CDK8: variants seen among roughly 807,000 people sequenced by gnomAD.
CDK8 encodes cyclin dependent kinase 8.
In CDK8, 29 loss-of-function variants were observed where a neutral mutation model predicts 71.5. That is an observed-to-expected ratio of 0.41 (90% CI 0.30 to 0.55). The LOEUF is 0.55. CDK8 is among the 20% of genes least tolerant of loss of function. The pLI is 0.37. For missense variants in CDK8, 288 were observed against 572.6 expected, an observed-to-expected ratio of 0.50 and a Z score of 5.07; for synonymous variants, 161 against 192.1, an observed-to-expected ratio of 0.84 and a Z score of 1.34.
At chr13:26,285,906 T>C (rs889143840) in intron 1 of CDK8, among the ~76,000 whole-genome samples, 6 of 141,184 alleles carry the variant, frequency 4.2e-5, no homozygotes, top group East Asian at 1.9e-4. Flanking sequence ...AATAAATAAA[T>C]AAACAAACAA....
intron 1 of CDK8, among the ~76,000 whole-genome samples, chr13:26,305,077 C>T (rs1488108831): frequency 6.6e-6 from 1 of 152,140 alleles, no homozygotes; most frequent in African/African-American, 2.4e-5. Context: ...TTATTTCTTC[C>T]TGCATTATCA....
At chr13:26,377,383 T>A (rs1875004474) in intron 4 of CDK8, among the ~76,000 whole-genome samples, 1 of 152,250 alleles carries the variant, frequency 6.6e-6, no homozygotes, top group African/African-American at 2.4e-5. Context: ...TTTGTTTGTG[T>A]CTCTGTTGAT....
At chr13:26,319,055 A>G (rs572346838) in intron 1 of CDK8, among the ~76,000 whole-genome samples, 3 of 152,332 alleles carry the variant, frequency 2.0e-5, no homozygotes, top group Middle Eastern at 3.4e-3. Context: ...CAAGTAATAA[A>G]TGAATTGAGC....
At chr13:26,331,304 T>C (rs1365078222) in intron 1 of CDK8, among the ~76,000 whole-genome samples, 1 of 152,228 alleles carries the variant, frequency 6.6e-6, no homozygotes, top group Non-Finnish European at 1.5e-5. Context: ...TTTGGTTTTC[T>C]CCTGTTGGGC....
intron 1 of CDK8, among the ~76,000 whole-genome samples, chr13:26,287,984 A>G (rs1873101687): frequency 2.0e-5 from 3 of 151,886 alleles, no homozygotes; most frequent in Non-Finnish European, 4.4e-5. Flanking sequence ...ATTTTTTTAG[A>G]TGGAGTCTCA....
chr13:26,359,867 C>A (rs1874057638), intron 4 of CDK8: 1 of 219,612 alleles, frequency 4.6e-6, no homozygotes, highest in Admixed American at 5.8e-5. Flanking sequence ...AGGCGTGTAC[C>A]ACCACATCCG....
intron 5 of CDK8, among the ~76,000 whole-genome samples, chr13:26,384,693 T>TA (rs112683099): frequency 6.6e-6 from 1 of 152,024 alleles, no homozygotes; most frequent in African/African-American, 2.4e-5. Flanking sequence ...ACCTAGCTTT[T>TA]AAAAAAAATA....
At chr13:26,347,254 C>T (rs1166586797) in intron 2 of CDK8, among the ~76,000 whole-genome samples, 5 of 152,070 alleles carry the variant, frequency 3.3e-5, no homozygotes. Context: ...ATGCTTCTCT[C>T]TACGTTCTTT....
At position 26,289,475 on chromosome 13, in the gene CDK8, T is replaced by C. The variant is rs147160351; in HGVS notation, c.128+34706T>C. ...TATTGTTTGTTACTTTAATTTTCTA[T>C]GTGTTTGTTGCTAGTATTTGAAGGA... On this transcript the variant is annotated intron_variant, in intron 1 of 12. Transcript: ENST00000381527. Among the ~76,000 whole-genome samples the C allele has an allele frequency of 8.0e-3, 1,217 of 152,314 alleles. 26 individuals carry two copies. The highest frequency in any genetic ancestry group is 0.026 in the African/African-American group (1,095 of 41,584).
At chr13:26,358,987 A>G (rs1257371295) in intron 4 of CDK8, 1 of 273,508 alleles carries the variant, frequency 3.7e-6, no homozygotes, top group Non-Finnish European at 7.4e-6. Flanking sequence ...TGATTGTGCC[A>G]CTGCACTTCA....
At chr13:26,288,998 CA>C (rs371819924) in intron 1 of CDK8, among the ~76,000 whole-genome samples, 1 of 151,382 alleles carries the variant, frequency 6.6e-6, no homozygotes, top group African/African-American at 2.4e-5. Context: ...CTCAGCTTCC[CA>C]AAGTGCTGGG....
intron 1 of CDK8, among the ~76,000 whole-genome samples, chr13:26,299,303 G>GAT (rs1430475758): frequency 6.6e-6 from 1 of 152,166 alleles, no homozygotes; most frequent in East Asian, 1.9e-4. Flanking sequence ...TAACCATGGA[G>GAT]ATATAGCCTG....
rs1261031112 is a variant in CDK8, at chr13:26,321,252, G to A, written c.129-16315G>A. On this transcript the variant is annotated intron_variant, in intron 1 of 12. Transcript: ENST00000381527. Reference sequence around the variant, plus strand: ...ATACGATACAACCTGGATGAATCAGGACATTTTGCTTAAGTGAAATAAGCC... The same window carrying A: ...ATACGATACAACCTGGATGAATCAGAACATTTTGCTTAAGTGAAATAAGCC... Among the ~76,000 whole-genome samples, 3 of 152,090 alleles carry A rather than the reference G, an allele frequency of 2.0e-5. No individual in the cohort carries two copies. In the East Asian group the frequency reaches 5.8e-4, roughly 29 times the overall value.
intron 1 of CDK8, among the ~76,000 whole-genome samples, chr13:26,299,522 A>C (rs1439083342): frequency 2.0e-5 from 3 of 152,208 alleles, no homozygotes; most frequent in Non-Finnish European, 4.4e-5. Flanking sequence ...TTGTGACAGA[A>C]ACATCAATAT....
At chr13:26,403,388 C>CTG (rs1166127923) in intron 12 of CDK8, among the ~76,000 whole-genome samples, 1 of 151,776 alleles carries the variant, frequency 6.6e-6, no homozygotes, top group Non-Finnish European at 1.5e-5. Context: ...AGGTGCATGC[C>CTG]TATAATCCTA....
chr13:26,356,176 G>T (rs1170244016), intron 4 of CDK8, among the ~76,000 whole-genome samples: 1 of 152,108 alleles, frequency 6.6e-6, no homozygotes, highest in Non-Finnish European at 1.5e-5. Context: ...GGCAACAAGG[G>T]ATGCATTATC....
At chr13:26,394,263 A>G (rs1875884716) in intron 7 of CDK8, among the ~76,000 whole-genome samples, 1 of 152,212 alleles carries the variant, frequency 6.6e-6, no homozygotes, top group Non-Finnish European at 1.5e-5. Context: ...AGGTCACTAT[A>G]AACTCAAGAC....
In CDK8 at chr13:26,353,871, C is replaced by T. The variant is rs1481144043; in HGVS notation, c.447C>T (p.His149=). 1 of 1,613,160 alleles carries T rather than the reference C, an allele frequency of 6.2e-7. No individual in the cohort carries two copies. The highest frequency in any genetic ancestry group is 1.1e-5 in the South Asian group (1 of 91,020). Residue 149 remains histidine (H), a synonymous_variant, in exon 4 of 13, where the codon CAC becomes CAT. Transcript: ENST00000381527. ...IHYLHANWVL[H]RDLKPANILV... ...ACCTGCATGCTAACTGGGTGTTGCA[C>T]AGAGATTTGGTAAGTTGACCTGTAA...
At chr13:26,392,402 A>G (rs1474734031) in intron 6 of CDK8, among the ~76,000 whole-genome samples, 2 of 136,516 alleles carry the variant, frequency 1.5e-5, no homozygotes, top group African/African-American at 2.8e-5. Context: ...ATCTCGGCTC[A>G]CTGCAGCCTC....
Sources: gnomAD v4.1 joint callset for allele counts (sites outside exome capture counted in the v4.1 genomes callset) on GRCh38, gnomAD v4.1.1 for gene constraint, MANE v1.5 for transcripts, NCBI Gene and HGNC (gene_info 2026-07-23, HGNC 2026-07-21) for gene names.